Variants in SLC8A1 observed in about 807,000 individuals in gnomAD.
SLC8A1 encodes sodium/calcium exchanger 1.
In SLC8A1, 18 loss-of-function variants were observed where a neutral mutation model predicts 68.3. That is an observed-to-expected ratio of 0.26 (90% CI 0.18 to 0.39). SLC8A1 has a LOEUF of 0.39. Among genes scored for constraint, SLC8A1 ranks in the 10% least tolerant of loss-of-function variants. The pLI is 1.00. For synonymous variants in SLC8A1, 475 were observed against 415.5 expected (o/e 1.14, Z -1.74); for missense variants, 985 against 1,156.7 (o/e 0.85, Z 2.15).
chr2:40,271,500 C>G (rs952815493), intron 2 of SLC8A1, among the ~76,000 whole-genome samples: 1 of 152,204 alleles, frequency 6.6e-6, no homozygotes, highest in Non-Finnish European at 1.5e-5. Flanking sequence ...TCTCTACCCC[C>G]TCACTGAACC....
At chr2:40,284,455 C>T (rs1016883653) in intron 2 of SLC8A1, among the ~76,000 whole-genome samples, 3 of 140,608 alleles carry the variant, frequency 2.1e-5, no homozygotes, top group Admixed American at 2.1e-4. Context: ...AAATGTATAT[C>T]TATAGATATA....
intron 2 of SLC8A1, among the ~76,000 whole-genome samples, chr2:40,247,629 T>TAATC (rs1225592368): frequency 6.6e-6 from 1 of 152,244 alleles, no homozygotes. Context: ...ATAAACATTT[T>TAATC]AATCACTGCA....
intron 1 of SLC8A1, among the ~76,000 whole-genome samples, chr2:40,475,335 G>A (rs1314551907): frequency 1.3e-5 from 2 of 151,970 alleles, no homozygotes; most frequent in African/African-American, 2.4e-5. Context: ...GGGTTTCACC[G>A]TGTTAGCCAG....
At chr2:40,272,032 A>AT (rs2066102483) in intron 2 of SLC8A1, among the ~76,000 whole-genome samples, 1 of 151,528 alleles carries the variant, frequency 6.6e-6, no homozygotes, top group African/African-American at 2.4e-5. Context: ...ATGCCTGGCT[A>AT]TTTTTTTGGT....
At chr2:40,140,826 A>C (rs1210075263) in intron 6 of SLC8A1, among the ~76,000 whole-genome samples, 1 of 111,174 alleles carries the variant, frequency 9.0e-6, no homozygotes, top group Admixed American at 8.9e-5. Flanking sequence ...ATAACTATGC[A>C]ATTACCTGAT....
intron 2 of SLC8A1, among the ~76,000 whole-genome samples, chr2:40,357,185 A>G (rs1575658313): frequency 1.3e-5 from 2 of 152,174 alleles, no homozygotes; most frequent in Admixed American, 6.5e-5. Flanking sequence ...ATTCAAAAAT[A>G]TATTTATTTT....
chr2:40,264,106 T>A (rs1489570657), intron 2 of SLC8A1, among the ~76,000 whole-genome samples: 2 of 152,060 alleles, frequency 1.3e-5, no homozygotes, highest in Non-Finnish European at 2.9e-5. Flanking sequence ...AAAATGCTCA[T>A]CATCACTGGC....
chr2:40,123,522 A>G (rs1189479330), intron 7 of SLC8A1, among the ~76,000 whole-genome samples: 1 of 152,184 alleles, frequency 6.6e-6, no homozygotes, highest in Non-Finnish European at 1.5e-5. Flanking sequence ...CTTCCAAATG[A>G]TGAACAATTT....
intron 2 of SLC8A1, among the ~76,000 whole-genome samples, chr2:40,237,493 G>A (rs2060556415): frequency 6.6e-6 from 1 of 151,956 alleles, no homozygotes; most frequent in African/African-American, 2.4e-5. Context: ...GGTTATTCTA[G>A]TTATACATTC....
At chr2:40,391,419 T>C (rs999897378) in intron 2 of SLC8A1, among the ~76,000 whole-genome samples, 9 of 151,964 alleles carry the variant, frequency 5.9e-5, no homozygotes, top group African/African-American at 2.2e-4. Context: ...GAAGCTCTAA[T>C]CTCCTATTTG....
At chr2:40,462,440 C>T (rs1703404417) in intron 1 of SLC8A1, among the ~76,000 whole-genome samples, 1 of 151,316 alleles carries the variant, frequency 6.6e-6, no homozygotes, top group Non-Finnish European at 1.5e-5. Context: ...TAGAAAAATA[C>T]CTAATGAATT....
chr2:40,303,400 A>G (rs2071915420), intron 2 of SLC8A1, among the ~76,000 whole-genome samples: 1 of 152,192 alleles, frequency 6.6e-6, no homozygotes, highest in Admixed American at 6.5e-5. Context: ...AGGAAGAGAT[A>G]TATTTTAGGC....
intron 2 of SLC8A1, among the ~76,000 whole-genome samples, chr2:40,214,275 G>A (rs940745413): frequency 1.3e-5 from 2 of 152,112 alleles, no homozygotes; most frequent in Non-Finnish European, 2.9e-5. Context: ...TCTGGAGTCT[G>A]CTTTGCCCAC....
rs2046332392 is a variant in SLC8A1 at position 40,165,128 on chromosome 2, A to G, written c.1931-144T>C. On this transcript the variant is annotated intron_variant, in intron 4 of 7. Coordinates refer to ENST00000406785, the Ensembl canonical transcript of SLC8A1. ...GGGTGAGATCACGATGCTGGAGGGAAGAGCCAGACAGACACTTGGCATGTA... is the reference window on the plus strand; with the variant it reads ...GGGTGAGATCACGATGCTGGAGGGAGGAGCCAGACAGACACTTGGCATGTA... 9 of 879,124 alleles carry G rather than the reference A, an allele frequency of 1.0e-5. No individual in the cohort carries two copies. In the South Asian group the frequency reaches 1.3e-4, roughly 12 times the overall value. The allele number at this position is 879,124 out of a possible 1,614,324, so 54.5% of individuals were successfully genotyped here.
chr2:40,231,272 C>T (rs1391206919), intron 2 of SLC8A1, among the ~76,000 whole-genome samples: 2 of 152,088 alleles, frequency 1.3e-5, no homozygotes, highest in African/African-American at 2.4e-5. Flanking sequence ...TATATGTATG[C>T]ACATATATTA....
intron 2 of SLC8A1, among the ~76,000 whole-genome samples, chr2:40,396,989 C>G (rs1167143292): frequency 6.6e-6 from 1 of 152,020 alleles, no homozygotes; most frequent in Non-Finnish European, 1.5e-5. Flanking sequence ...TTCCATGGCC[C>G]TGGAAAAGTA....
chr2:40,226,904 C>T (rs1158064337), intron 2 of SLC8A1, among the ~76,000 whole-genome samples: 1 of 152,030 alleles, frequency 6.6e-6, no homozygotes, highest in East Asian at 1.9e-4. Context: ...AACATGTGAA[C>T]AAAACACATC....
At chr2:40,133,648 C>T (rs1458046914) in intron 7 of SLC8A1, among the ~76,000 whole-genome samples, 1 of 151,852 alleles carries the variant, frequency 6.6e-6, no homozygotes, top group Non-Finnish European at 1.5e-5. Flanking sequence ...TCAGGCACAA[C>T]CCCCACCAAG....
At chr2:40,405,729 C>T (rs1038870023) in intron 2 of SLC8A1, among the ~76,000 whole-genome samples, 4 of 152,114 alleles carry the variant, frequency 2.6e-5, no homozygotes, top group Admixed American at 2.6e-4. Flanking sequence ...AGTGTTTATG[C>T]TTGAGCTAAC....
Sources: gnomAD v4.1 joint callset for allele counts (sites outside exome capture counted in the v4.1 genomes callset) on GRCh38, gnomAD v4.1.1 for gene constraint, MANE v1.5 for transcripts, NCBI Gene and HGNC (gene_info 2026-07-23, HGNC 2026-07-21) for gene names.